Variants in SGCZ observed in about 807,000 individuals in gnomAD.
The protein encoded by SGCZ is sarcoglycan zeta.
SGCZ carries 40 observed loss-of-function variants against 41.3 expected under a neutral mutation model. That is an observed-to-expected ratio of 0.97 (90% CI 0.75 to 1.26). The LOEUF (loss-of-function observed/expected upper bound fraction) is 1.26, where lower values mean the gene tolerates loss of function less well. SGCZ is among the 50% of genes most tolerant of loss of function. The probability of loss-of-function intolerance (pLI) is 0.00; values close to 1 mark genes in which losing one functional copy is unlikely to be tolerated. For missense variants in SGCZ, 552 were observed against 369.8 expected (o/e 1.49, Z -4.04); for synonymous variants, 206 against 137.5 (o/e 1.50, Z -3.49).
intron 1 of SGCZ, among the ~76,000 whole-genome samples, chr8:15,003,407 G>A (rs904161704): frequency 3.3e-5 from 5 of 151,960 alleles, no homozygotes; most frequent in African/African-American, 4.8e-5. Flanking sequence ...TTTCACCTCC[G>A]GAATTGGCAA....
chr8:14,322,386 T>G (rs898961042), intron 3 of SGCZ, among the ~76,000 whole-genome samples: 2 of 152,070 alleles, frequency 1.3e-5, no homozygotes, highest in Admixed American at 6.6e-5. Flanking sequence ...GTTAGCTTTC[T>G]CGGGGATGGA....
chr8:14,353,576 A>G (rs145372303), intron 2 of SGCZ, among the ~76,000 whole-genome samples: 2 of 152,178 alleles, frequency 1.3e-5, no homozygotes, highest in Non-Finnish European at 2.9e-5. Flanking sequence ...CCAATTCACA[A>G]CGGTGAGACT....
intron 2 of SGCZ, among the ~76,000 whole-genome samples, chr8:14,501,653 T>C (rs1311805917): frequency 6.6e-6 from 1 of 151,158 alleles, no homozygotes; most frequent in Non-Finnish European, 1.5e-5. Context: ...TAATATAGCA[T>C]GTATTAGACA....
At chr8:14,857,301 T>A (rs973268226) in intron 1 of SGCZ, among the ~76,000 whole-genome samples, 7 of 152,134 alleles carry the variant, frequency 4.6e-5, no homozygotes, top group African/African-American at 7.2e-5. Context: ...TCTTTATCAA[T>A]TACCCAGTTG....
chr8:14,799,851 C>G (rs1371914670), intron 1 of SGCZ, among the ~76,000 whole-genome samples: 3 of 152,022 alleles, frequency 2.0e-5, no homozygotes, highest in Non-Finnish European at 4.4e-5. Context: ...AGTCTTATAG[C>G]TAAGCATTGG....
chr8:14,349,364 T>A (rs1021654799), intron 2 of SGCZ, among the ~76,000 whole-genome samples: 1 of 152,110 alleles, frequency 6.6e-6, no homozygotes, highest in Non-Finnish European at 1.5e-5. Flanking sequence ...ACAAAAATGT[T>A]GTGCTCCCCT....
chr8:14,723,339 G>T (rs796300214), intron 1 of SGCZ, among the ~76,000 whole-genome samples: 1 of 152,310 alleles, frequency 6.6e-6, no homozygotes, highest in East Asian at 1.9e-4. Context: ...AAAGCTCTTG[G>T]GGAAGAGGTG....
At chr8:15,152,644 C>A (rs1799212586) in intron 1 of SGCZ, among the ~76,000 whole-genome samples, 1 of 152,200 alleles carries the variant, frequency 6.6e-6, no homozygotes, top group African/African-American at 2.4e-5. Context: ...ATATAAATCA[C>A]ACTCCTTTGA....
At chr8:14,430,186 A>G (rs1042957494) in intron 2 of SGCZ, among the ~76,000 whole-genome samples, 13 of 152,124 alleles carry the variant, frequency 8.5e-5, no homozygotes, top group Admixed American at 5.2e-4. Flanking sequence ...TCCTCCCTAC[A>G]TCATTCTATG....
chr8:15,164,960 C>T (rs1799616031), intron 1 of SGCZ, among the ~76,000 whole-genome samples: 2 of 152,114 alleles, frequency 1.3e-5, no homozygotes, highest in African/African-American at 4.8e-5. Flanking sequence ...ACTGGGTTTT[C>T]TTCTGCCTGT....
intron 1 of SGCZ, among the ~76,000 whole-genome samples, chr8:15,231,153 C>T (rs948010705): frequency 1.4e-4 from 22 of 152,186 alleles, no homozygotes; most frequent in Non-Finnish European, 2.9e-4. Flanking sequence ...TTGGAATTAA[C>T]TTCTAAGGCT....
chr8:14,313,910 C>CTGTGTGTGTG (rs34489718), intron 3 of SGCZ, among the ~76,000 whole-genome samples: 1 of 144,804 alleles, frequency 6.9e-6, no homozygotes, highest in African/African-American at 2.5e-5. Flanking sequence ...TATCATCTCT[C>CTGTGTGTGTG]TGTGTGTGTG....
At chr8:15,135,788 G>T (rs1808081050) in intron 1 of SGCZ, among the ~76,000 whole-genome samples, 1 of 152,074 alleles carries the variant, frequency 6.6e-6, no homozygotes, top group Non-Finnish European at 1.5e-5. Flanking sequence ...GAGCTGGTGG[G>T]GTTAGACAGC....
chr8:14,693,621 C>A (rs1288744183), intron 1 of SGCZ, among the ~76,000 whole-genome samples: 1 of 115,066 alleles, frequency 8.7e-6, no homozygotes, highest in African/African-American at 3.3e-5. Context: ...GACGGAGTCT[C>A]GCTCTGTCGC....
chr8:14,408,138 G>C (rs568600607), intron 2 of SGCZ, among the ~76,000 whole-genome samples: 8 of 152,122 alleles, frequency 5.3e-5, no homozygotes, highest in African/African-American at 1.4e-4. Flanking sequence ...CAGAGTAGTA[G>C]AAATTAAAAG....
intron 7 of SGCZ, among the ~76,000 whole-genome samples, chr8:14,100,621 A>G (rs957527464): frequency 6.8e-6 from 1 of 148,010 alleles, no homozygotes; most frequent in African/African-American, 2.5e-5. Context: ...TAATATATTA[A>G]TATATTTTCA....
At chr8:14,204,416 C>G (rs1013772613) in intron 4 of SGCZ, among the ~76,000 whole-genome samples, 4 of 151,982 alleles carry the variant, frequency 2.6e-5, no homozygotes, top group Non-Finnish European at 5.9e-5. Flanking sequence ...CAGCTCAGGT[C>G]TACTATGGGT....
At chr8:14,189,695 C>T (rs966416270) in intron 4 of SGCZ, among the ~76,000 whole-genome samples, 3 of 152,182 alleles carry the variant, frequency 2.0e-5, no homozygotes, top group African/African-American at 7.2e-5. Context: ...GGTGGCCTTA[C>T]CTGACCATGA....
intron 1 of SGCZ, among the ~76,000 whole-genome samples, chr8:15,097,899 T>G (rs7462218): frequency 0.79 from 97,977 of 123,712 alleles, 38,654 homozygotes; most frequent in Admixed American, 0.85. Flanking sequence ...TATATATATA[T>G]ATATATATAT....
Sources: allele counts gnomAD v4.1 joint callset (sites outside exome capture counted in the v4.1 genomes callset), GRCh38; gene constraint gnomAD v4.1.1; transcripts MANE v1.5; gene names NCBI Gene and HGNC (gene_info 2026-07-23, HGNC 2026-07-21).